Variants in PCDH17 observed in about 807,000 individuals in gnomAD.
PCDH17 encodes the protein protocadherin-17.
In PCDH17, 21 loss-of-function variants were observed where a neutral mutation model predicts 67.7. The observed-to-expected ratio is 0.31, with a 90% CI of 0.22 to 0.45. The LOEUF is 0.45. PCDH17 is among the 20% of genes least tolerant of loss of function. The pLI, the probability that PCDH17 is intolerant of heterozygous loss-of-function variation, is 1.00. For missense variants in PCDH17, 1,471 were observed against 1,564.8 expected (o/e 0.94, Z 1.01); for synonymous variants, 701 against 656.7 (o/e 1.07, Z -1.03).
intron 1 of PCDH17, among the ~76,000 whole-genome samples, chr13:57,660,420 CTT>C (rs1284259416): frequency 6.6e-6 from 1 of 151,986 alleles, no homozygotes; most frequent in Non-Finnish European, 1.5e-5. Flanking sequence ...CAGAAACACT[CTT>C]TGTTGAGAAT....
chr13:57,634,863 G>T lies in PCDH17; in HGVS notation c.2317G>T (p.Glu773Ter). 2 of 1,614,110 alleles carry T rather than the reference G, an allele frequency of 1.2e-6. No individual in the cohort carries two copies. Among genetic ancestry groups the T allele is most frequent in the Non-Finnish European group, 1.7e-6 (2 of 1,180,026 alleles). Residue 773 changes from glutamate (E) to a stop codon, truncating the protein, a stop_gained, in exon 1 of 4, where the codon GAA (glutamate) becomes TAA (stop). Coordinates refer to ENST00000377918, the MANE Select transcript of PCDH17 (RefSeq NM_001040429.3). LOFTEE classifies it high-confidence loss of function. The surrounding 1 kb of genome is among the most constrained non-coding windows in gnomAD (Gnocchi z 7.8). ...NKNDIMLVQSEVEERNAMNVM... is the reference protein window; with the variant it reads ...NKNDIMLVQS ...AAATGATATCATGCTGGTGCAGAGC[G>T]AAGTGGAGGAGAGGAACGCCATGAA...
chr13:57,649,612 G>GT, intron 1 of PCDH17, among the ~76,000 whole-genome samples: 1 of 152,226 alleles, frequency 6.6e-6, no homozygotes, highest in South Asian at 2.1e-4. Flanking sequence ...GCACTCATCT[G>GT]TTTTTTAATG....
chr13:57,641,581 AAAAAAAATATATATATATATATATAT>A (rs1420730999), intron 1 of PCDH17, among the ~76,000 whole-genome samples: 17 of 71,576 alleles, frequency 2.4e-4, no homozygotes, highest in South Asian at 6.1e-4. Flanking sequence ...AAAAAAAAAA[AAAAAAAATATATATATATATATATAT>A]ATATATATAT....
At chr13:57,713,139 A>G (rs775435495) in intron 3 of PCDH17, among the ~76,000 whole-genome samples, 4 of 151,748 alleles carry the variant, frequency 2.6e-5, no homozygotes, top group South Asian at 2.1e-4. Flanking sequence ...CTCTTTTAAT[A>G]TGTAAATTTC....
intron 3 of PCDH17, among the ~76,000 whole-genome samples, chr13:57,679,361 A>C (rs1593921689): frequency 1.3e-4 from 1 of 7,654 alleles, no homozygotes; most frequent in African/African-American, 2.7e-3. Flanking sequence ...GACTGAATAC[A>C]AAAAAAAAAA....
rs766391661 is a variant in PCDH17, at chr13:57,633,816, G to T, written c.1270G>T (p.Val424Leu). 1 of 1,611,596 alleles carries T rather than the reference G, an allele frequency of 6.2e-7. No individual in the cohort carries two copies. The change falls in exon 1 of 4, where the codon GTG becomes TTG. Residue 424 changes from valine (V) to leucine (L), a missense_variant. Physicochemically the swap from Val to Leu is conservative, Grantham distance 32 (BLOSUM62 1). Around this residue, in one of 3 missense-constraint regions of PCDH17, gnomAD observed 1,163 missense variants for 1,230.0 expected, o/e 0.95. Transcript: ENST00000377918. This position sits in a 1 kb window ranked among gnomAD's most constrained non-coding sequence, Gnocchi z 6.2. The stretch of plus-strand genomic sequence containing the variant: ...GGAGAACTACGACAACTTCTACACG[G>T]TGGTGACTGACCGCCCGCTGGACCG... ...LEENYDNFYT[V>L]VTDRPLDRET...
intron 1 of PCDH17, among the ~76,000 whole-genome samples, chr13:57,641,454 A>G (rs1317477019): frequency 6.7e-6 from 1 of 149,354 alleles, no homozygotes; most frequent in Non-Finnish European, 1.5e-5. Flanking sequence ...CCCATAACAA[A>G]ATATAGATGA....
intron 1 of PCDH17, 28 bp downstream of exon 1, chr13:57,635,139 T>C (rs759570422): frequency 1.9e-6 from 3 of 1,608,672 alleles, no homozygotes; most frequent in Non-Finnish European, 2.5e-6. Flanking sequence ...TAACTGGGAG[T>C]TCACTTTATT....
At chr13:57,664,802 T>C (rs1364724762) in intron 1 of PCDH17, among the ~76,000 whole-genome samples, 1 of 152,196 alleles carries the variant, frequency 6.6e-6, no homozygotes. Flanking sequence ...AGTGACTAAG[T>C]AATTATAGTT....
chr13:57,630,780 G>A (rs1954709085), upstream of PCDH17, among the ~76,000 whole-genome samples: 1 of 152,206 alleles, frequency 6.6e-6, no homozygotes, highest in Non-Finnish European at 1.5e-5. Flanking sequence ...GCGTTAGGAA[G>A]AAGCCGCAAC....
chr13:57,639,711 T>C (rs547748349), intron 1 of PCDH17, among the ~76,000 whole-genome samples: 2 of 152,096 alleles, frequency 1.3e-5, no homozygotes, highest in African/African-American at 2.4e-5. Flanking sequence ...AGTTCTATAA[T>C]TTCAATAAAT....
chr13:57,634,006 C>G lies in PCDH17; in HGVS notation c.1460C>G (p.Pro487Arg). Residue 487 changes from proline (P) to arginine (R), a missense_variant, in exon 1 of 4, where the codon CCG (proline) becomes CGG (arginine). This residue lies in a region of PCDH17 where 1,163 missense variants were observed against 1,230.0 expected (regional missense o/e 0.95). Transcript: ENST00000377918. The surrounding 1 kb of genome is among the most constrained non-coding windows in gnomAD (Gnocchi z 7.8). ...CTTCAGGTGCACGAGAACAACATCC[C>G]GGGAGAGTACCTGGGCTCTGTGCTC... Reference protein sequence around the residue: ...YVLQVHENNIPGEYLGSVLAQ... With the variant: ...YVLQVHENNIRGEYLGSVLAQ... 1 of 1,613,520 alleles carries G rather than the reference C, an allele frequency of 6.2e-7. No homozygotes were observed. Among genetic ancestry groups the G allele is most frequent in the Non-Finnish European group, 8.5e-7 (1 of 1,180,012 alleles).
chr13:57,701,924 C>T (rs189385289), intron 3 of PCDH17, among the ~76,000 whole-genome samples: 34 of 151,830 alleles, frequency 2.2e-4, no homozygotes, highest in African/African-American at 7.2e-4. Flanking sequence ...AATAACTGTA[C>T]GGGTTTTTTT....
At chr13:57,656,443 C>T (rs1593905495) in intron 1 of PCDH17, among the ~76,000 whole-genome samples, 3 of 152,128 alleles carry the variant, frequency 2.0e-5, no homozygotes, top group East Asian at 3.9e-4. Flanking sequence ...AGTAATATCA[C>T]CAATTTATCT....
Position 57,634,488 on chromosome 13 carries a change from C to T in PCDH17, c.1942C>T (p.Leu648=), listed in dbSNP as rs140020386. 123 of 1,612,948 alleles carry T rather than the reference C, an allele frequency of 7.6e-5. 1 individual carries two copies. In the African/African-American group the frequency reaches 1.5e-3, roughly 20 times the overall value. ...CCCGTCCAGCGGCGAGATCCGCACG[C>T]TGCACCCTTTCTGGGAGGACGTGAC... ...IDPSSGEIRT[L]HPFWEDVTPV... Residue 648 remains leucine (L), a synonymous_variant, in exon 1 of 4, where the codon CTG becomes TTG. Coordinates refer to ENST00000377918, the MANE Select transcript of PCDH17 (RefSeq NM_001040429.3). The surrounding 1 kb of genome is among the most constrained non-coding windows in gnomAD (Gnocchi z 7.8).
rs1955920493 is a variant in PCDH17, at chr13:57,726,944, T to G, written c.*1650T>G. 1.3e-5 allele frequency: 2 copies of G among 152,630 alleles called. No homozygotes were observed. Among genetic ancestry groups the G allele is most frequent in the African/African-American group, 4.8e-5 (2 of 41,456 alleles). The allele number at this position is 152,630 out of a possible 1,614,324, so 9.5% of individuals were successfully genotyped here. A position where few individuals can be genotyped will look rare whatever the true frequency, so the allele number is the denominator to read the frequency against. On this transcript the variant is annotated 3_prime_UTR_variant, in exon 4 of 4. Transcript: ENST00000377918. ...CTGGGTCTTAACAAAATGTTTTCCT[T>G]TATCTCAGTGCTCTTCTGCCTCTTT...
intron 3 of PCDH17, among the ~76,000 whole-genome samples, chr13:57,717,455 G>A (rs1255961812): frequency 1.3e-5 from 2 of 151,798 alleles, no homozygotes; most frequent in South Asian, 2.1e-4. Flanking sequence ...ATTCCACTCC[G>A]GTAAACATTT....
chr13:57,667,728 T>G (rs910751774), intron 3 of PCDH17, among the ~76,000 whole-genome samples: 1 of 149,568 alleles, frequency 6.7e-6, no homozygotes, highest in Non-Finnish European at 1.5e-5. Flanking sequence ...GATTAATGAT[T>G]TATAGAAAGT....
chr13:57,718,736 A>G (rs1267498359), intron 3 of PCDH17, among the ~76,000 whole-genome samples: 1 of 152,038 alleles, frequency 6.6e-6, no homozygotes, highest in African/African-American at 2.4e-5. Context: ...TTTTCTGATG[A>G]GATTTCTGTT....
Sources: allele counts gnomAD v4.1 joint callset (sites outside exome capture counted in the v4.1 genomes callset), GRCh38; gene constraint gnomAD v4.1.1; regional missense constraint gnomAD v4.1.1; non-coding constraint Gnocchi (gnomAD v3.1); transcripts MANE v1.5; gene names NCBI Gene and HGNC (gene_info 2026-07-23, HGNC 2026-07-21).